Variants in GBE1 observed in about 807,000 individuals in gnomAD.
GBE1 encodes 1,4-alpha-glucan branching enzyme 1.
In GBE1, 70 loss-of-function variants were observed where a neutral mutation model predicts 88.8. The ratio of observed to expected loss-of-function variants is 0.79; its 90% CI spans 0.65 to 0.96. The LOEUF (loss-of-function observed/expected upper bound fraction) is 0.96. GBE1 is among the 40% of genes least tolerant of loss of function. GBE1 has a pLI of 0.00. For missense variants in GBE1, 872 were observed against 871.0 expected, an observed-to-expected ratio of 1.00 and a Z score of -0.01; for synonymous variants, 284 against 300.1, an observed-to-expected ratio of 0.95 and a Z score of 0.56.
At chr3:81,750,591 A>ATATG (rs1296242244) in intron 1 of GBE1, among the ~76,000 whole-genome samples, 27 of 51,958 alleles carry the variant, frequency 5.2e-4, no homozygotes, top group East Asian at 5.0e-3. Context: ...ATATATACGT[A>ATATG]TATATATATG....
chr3:81,553,776 T>A lies in GBE1; in HGVS notation c.1619-16681A>T, dbSNP rs569236024. Among the ~76,000 whole-genome samples the A allele has an allele frequency of 2.7e-4, 41 of 151,816 alleles. 1 individual carries two copies. The South Asian group carries it at 8.5e-3, about 32-fold the overall frequency. On this transcript the variant is annotated intron_variant, in intron 12 of 15. Transcript: ENST00000429644. Reference sequence around the variant, plus strand: ...ATCTATACCATCAGGGAGAGAAATATTTAAATCAGAAGAGAACAGATAAAG... The same window carrying A: ...ATCTATACCATCAGGGAGAGAAATAATTAAATCAGAAGAGAACAGATAAAG...
At chr3:81,750,616 T>C (rs181831674) in intron 1 of GBE1, among the ~76,000 whole-genome samples, 3,263 of 68,782 alleles carry the variant, frequency 0.047, 341 homozygotes, top group Middle Eastern at 0.058. Flanking sequence ...TATATATATA[T>C]GTATATATAT....
chr3:81,589,650 T>C, intron 9 of GBE1, among the ~76,000 whole-genome samples: 1 of 152,052 alleles, frequency 6.6e-6, no homozygotes, highest in East Asian at 1.9e-4. Context: ...GAAAGATCAA[T>C]GTAACAATTT....
intron 2 of GBE1, among the ~76,000 whole-genome samples, chr3:81,674,100 C>A (rs1304224800): frequency 2.0e-5 from 3 of 151,912 alleles, no homozygotes. Context: ...ACCCCACCAT[C>A]AGTTTTTCCA....
intron 1 of GBE1, among the ~76,000 whole-genome samples, chr3:81,725,363 G>GCCA (rs1706094210): frequency 6.6e-6 from 1 of 151,908 alleles, no homozygotes; most frequent in African/African-American, 2.4e-5. Flanking sequence ...CCCGGGTCAG[G>GCCA]ATTATCAATA....
intron 2 of GBE1, among the ~76,000 whole-genome samples, chr3:81,699,095 C>T (rs1705647428): frequency 6.6e-6 from 1 of 152,074 alleles, no homozygotes; most frequent in African/African-American, 2.4e-5. Context: ...ATCACTTTGC[C>T]AAAATAAACA....
intron 2 of GBE1, among the ~76,000 whole-genome samples, chr3:81,698,875 T>C (rs566986487): frequency 6.6e-6 from 1 of 152,292 alleles, no homozygotes; most frequent in African/African-American, 2.4e-5. Flanking sequence ...ATATACTCCA[T>C]TGAAAGTGAA....
At chr3:81,534,023 C>G (rs1703042996) in intron 14 of GBE1, among the ~76,000 whole-genome samples, 1 of 151,984 alleles carries the variant, frequency 6.6e-6, no homozygotes, top group African/African-American at 2.4e-5. Context: ...ATTATTTGAG[C>G]CAGCTGAGTA....
chr3:81,624,051 A>C (rs1704369163), intron 7 of GBE1, among the ~76,000 whole-genome samples: 1 of 152,158 alleles, frequency 6.6e-6, no homozygotes, highest in East Asian at 1.9e-4. Context: ...GGTAATTTAT[A>C]AAGGAAAAAG....
chr3:81,702,292 C>A (rs1293855418), intron 2 of GBE1, among the ~76,000 whole-genome samples: 1 of 151,756 alleles, frequency 6.6e-6, no homozygotes, highest in African/African-American at 2.4e-5. Flanking sequence ...CTTCTAAATG[C>A]ATCATTGGCT....
chr3:81,695,974 T>C (rs1451360149), intron 2 of GBE1, among the ~76,000 whole-genome samples: 1 of 152,274 alleles, frequency 6.6e-6, no homozygotes, highest in East Asian at 1.9e-4. Context: ...ATGAATACTT[T>C]CATAGTTTTA....
intron 10 of GBE1, among the ~76,000 whole-genome samples, chr3:81,581,701 G>A (rs956913617): frequency 7.9e-5 from 12 of 151,880 alleles, no homozygotes; most frequent in East Asian, 1.9e-4. Flanking sequence ...AGAGTGTTTC[G>A]CTTCATTTTT....
intron 1 of GBE1, among the ~76,000 whole-genome samples, chr3:81,719,632 A>C (rs1705992642): frequency 6.6e-6 from 1 of 152,230 alleles, no homozygotes. Flanking sequence ...ATTGATCTGA[A>C]GCAAGATCTG....
rs536100461 is a variant in GBE1 at position 81,583,772 on chromosome 3, T to C, written c.1335+2320A>G. Reference sequence around the variant, plus strand: ...TAGAAGCAAGCAAGATGAAAATAAGTAGGCGTTACTCTAAAGGCAACATGA... The same window carrying C: ...TAGAAGCAAGCAAGATGAAAATAAGCAGGCGTTACTCTAAAGGCAACATGA... On this transcript the variant is annotated intron_variant, in intron 10 of 15. Coordinates refer to ENST00000429644, the MANE Select transcript of GBE1 (RefSeq NM_000158.4). Among the ~76,000 whole-genome samples the C allele has an allele frequency of 9.2e-5, 14 of 152,174 alleles. 1 individual carries two copies. The South Asian group carries it at 2.5e-3, about 27-fold the overall frequency.
rs1702414427 is a variant in GBE1 at position 81,489,807 on chromosome 3, T to C, written c.*600A>G. ...ACTGAGATACTGGCATTTAACAAGATACTTAGTGGACAAGAGATCACAAAA... is the reference window on the plus strand; with the variant it reads ...ACTGAGATACTGGCATTTAACAAGACACTTAGTGGACAAGAGATCACAAAA... On this transcript the variant is annotated 3_prime_UTR_variant, in exon 16 of 16. Transcript: ENST00000429644. 1 of 152,174 alleles carries C rather than the reference T, an allele frequency of 6.6e-6. No homozygotes were observed. Among genetic ancestry groups the C allele is most frequent in the Admixed American group, 6.5e-5 (1 of 15,272 alleles). 9.4% of individuals were successfully genotyped at this position (152,174 alleles called of 1,614,324 possible). A position where few individuals can be genotyped will look rare whatever the true frequency, so the allele number is the denominator to read the frequency against.
chr3:81,720,924 C>G lies in GBE1; in HGVS notation c.144-15311G>C, dbSNP rs957022839. On this transcript the variant is annotated intron_variant, in intron 1 of 15. Transcript: ENST00000429644. ...TAGGGACATGGATGAAATTGGAAAC[C>G]ATCATTCTCAGTAAACTATCGCAAG... Among the ~76,000 whole-genome samples, 8 of 138,074 alleles carry G rather than the reference C, an allele frequency of 5.8e-5. No homozygotes were observed. The East Asian group carries it at 1.7e-3, about 29-fold the overall frequency. The allele number at this position is 138,074 out of a possible 152,430, so 90.6% of individuals were successfully genotyped here.
chr3:81,601,952 T>C (rs1704038982), intron 7 of GBE1, among the ~76,000 whole-genome samples: 1 of 152,224 alleles, frequency 6.6e-6, no homozygotes, highest in Admixed American at 6.5e-5. Context: ...TATCACTTTG[T>C]GTGGAGTTTA....
rs150471270 is a variant in GBE1 at position 81,570,255 on chromosome 3, C to T, written c.1618+7670G>A. Among the ~76,000 whole-genome samples the T allele has an allele frequency of 4.2e-3, 632 of 152,176 alleles. 6 individuals carry two copies. Among genetic ancestry groups the T allele is most frequent in the Middle Eastern group, 0.024 (7 of 294 alleles). On this transcript the variant is annotated intron_variant, in intron 12 of 15. Transcript: ENST00000429644. ...AGAAAAAAAAATTCTTAAAGGCATG[C>T]AGTTGACATATTTTACAGAAATCTA...
Position 81,533,902 on chromosome 3 carries a change from GC to G in GBE1, c.1934+1292del, listed in dbSNP as rs566046220. On this transcript the variant is annotated intron_variant, in intron 14 of 15. Coordinates refer to ENST00000429644, the MANE Select transcript of GBE1 (RefSeq NM_000158.4). The stretch of plus-strand genomic sequence containing the variant: ...AGGTGCCACCATTTGGACATTGCTG[GC>G]ACCCTGAGAATTGAAAGCAAAAAGA... 2.0e-3 allele frequency among the ~76,000 whole-genome samples: 302 copies of G among 152,108 alleles called. 1 individual carries two copies. Among genetic ancestry groups the G allele is most frequent in the Non-Finnish European group, 3.8e-3 (257 of 67,964 alleles).
Sources: allele counts gnomAD v4.1 joint callset (sites outside exome capture counted in the v4.1 genomes callset), GRCh38; gene constraint gnomAD v4.1.1; transcripts MANE v1.5; gene names NCBI Gene and HGNC (gene_info 2026-07-23, HGNC 2026-07-21).